Variants in CNTN3 observed in about 807,000 individuals in gnomAD.
CNTN3 encodes the protein contactin-3.
A neutral mutation model predicts 119.1 loss-of-function variants in CNTN3; 60 were observed. That is an observed-to-expected ratio of 0.50 (90% CI 0.41 to 0.62). The LOEUF (loss-of-function observed/expected upper bound fraction) is 0.62. Among genes scored for constraint, CNTN3 ranks in the 20% least tolerant of loss-of-function variants. The pLI is 0.00. For missense variants in CNTN3, 1,101 were observed against 1,242.4 expected (o/e 0.89, Z 1.71); for synonymous variants, 450 against 438.7 (o/e 1.03, Z -0.32).
At chr3:74,536,835 A>G (rs1318506653) in intron 1 of CNTN3, among the ~76,000 whole-genome samples, 3 of 152,152 alleles carry the variant, frequency 2.0e-5, no homozygotes, top group Admixed American at 2.0e-4. Flanking sequence ...CAAGGTACTT[A>G]GAATCTGAGG....
intron 1 of CNTN3, among the ~76,000 whole-genome samples, chr3:74,546,027 G>A (rs999362318): frequency 6.0e-5 from 9 of 151,028 alleles, no homozygotes; most frequent in East Asian, 3.9e-4. Flanking sequence ...ATGGAGTCTC[G>A]CTCTGTCACC....
intron 4 of CNTN3, among the ~76,000 whole-genome samples, chr3:74,455,152 C>G (rs997872434): frequency 3.9e-5 from 6 of 152,102 alleles, no homozygotes; most frequent in African/African-American, 1.2e-4. Context: ...ACCAATCAGA[C>G]GTAGATTTGG....
At chr3:74,310,282 T>C (rs555472178) in intron 13 of CNTN3, among the ~76,000 whole-genome samples, 10 of 152,330 alleles carry the variant, frequency 6.6e-5, no homozygotes, top group African/African-American at 2.2e-4. Context: ...CCAAATGCCA[T>C]TTGAGTTTCA....
intron 1 of CNTN3, among the ~76,000 whole-genome samples, chr3:74,605,459 T>C (rs1203110768): frequency 2.6e-5 from 4 of 152,186 alleles, no homozygotes; most frequent in Non-Finnish European, 4.4e-5. Flanking sequence ...GTGTGTGTTA[T>C]TGCTGCATAA....
At chr3:74,584,875 T>G (rs534098677) in intron 1 of CNTN3, among the ~76,000 whole-genome samples, 3 of 152,150 alleles carry the variant, frequency 2.0e-5, no homozygotes, top group Non-Finnish European at 4.4e-5. Context: ...GATTTCGATC[T>G]TATCATTAAC....
chr3:74,412,135 A>G (rs1267052935), intron 5 of CNTN3, among the ~76,000 whole-genome samples: 1 of 152,194 alleles, frequency 6.6e-6, no homozygotes, highest in African/African-American at 2.4e-5. Flanking sequence ...GCTTTAGCTG[A>G]CATCTGTCAA....
chr3:74,580,864 G>A (rs549957883), intron 1 of CNTN3, among the ~76,000 whole-genome samples: 46 of 152,260 alleles, frequency 3.0e-4, no homozygotes, highest in African/African-American at 9.1e-4. Flanking sequence ...GACTACTGAC[G>A]TGCACCATCA....
At chr3:74,298,887 AG>A (rs575257512) in intron 17 of CNTN3, among the ~76,000 whole-genome samples, 45,802 of 142,582 alleles carry the variant, frequency 0.32, 8,050 homozygotes, top group East Asian at 0.72. Context: ...GACTCCATCA[AG>A]GAAAAAAAAA....
At chr3:74,588,166 G>A (rs1704631694) in intron 1 of CNTN3, among the ~76,000 whole-genome samples, 1 of 151,978 alleles carries the variant, frequency 6.6e-6, no homozygotes, top group African/African-American at 2.4e-5. Context: ...TTTTTGATGT[G>A]CTGCTGGATT....
At chr3:74,403,583 G>C (rs1008296247) in intron 5 of CNTN3, among the ~76,000 whole-genome samples, 1 of 152,294 alleles carries the variant, frequency 6.6e-6, no homozygotes, top group South Asian at 2.1e-4. Context: ...CTGATCTGGT[G>C]TTTAAACTTC....
chr3:74,571,720 G>A (rs562084665), intron 1 of CNTN3, among the ~76,000 whole-genome samples: 1 of 152,102 alleles, frequency 6.6e-6, no homozygotes, highest in Non-Finnish European at 1.5e-5. Flanking sequence ...CATTTATTTA[G>A]ATTACATATA....
At chr3:74,402,048 C>T (rs1575690613) in intron 5 of CNTN3, among the ~76,000 whole-genome samples, 2 of 152,226 alleles carry the variant, frequency 1.3e-5, no homozygotes, top group South Asian at 2.1e-4. Flanking sequence ...AATGTTAGGC[C>T]CTGGGGTTCA....
intron 5 of CNTN3, among the ~76,000 whole-genome samples, chr3:74,375,192 C>T (rs376070816): frequency 8.6e-5 from 13 of 152,028 alleles, no homozygotes; most frequent in Admixed American, 3.3e-4. Context: ...AGATCCTTGA[C>T]GAACAACAAA....
At chr3:74,520,049 C>T (rs999032611) in intron 2 of CNTN3, among the ~76,000 whole-genome samples, 3 of 151,604 alleles carry the variant, frequency 2.0e-5, no homozygotes, top group African/African-American at 4.8e-5. Context: ...TCCATTTGGC[C>T]TCATTCCGCA....
At chr3:74,541,539 T>A (rs1248833463) in intron 1 of CNTN3, among the ~76,000 whole-genome samples, 2 of 152,020 alleles carry the variant, frequency 1.3e-5, no homozygotes, top group African/African-American at 4.8e-5. Flanking sequence ...AACTTAACAA[T>A]TGTAGAGTTA....
chr3:74,419,691 C>T (rs902873289), intron 5 of CNTN3, among the ~76,000 whole-genome samples: 1 of 152,176 alleles, frequency 6.6e-6, no homozygotes, highest in East Asian at 1.9e-4. Context: ...TGATTAAACA[C>T]TGGGACAGAC....
At chr3:74,457,922 C>T (rs969763627) in intron 4 of CNTN3, among the ~76,000 whole-genome samples, 3 of 152,032 alleles carry the variant, frequency 2.0e-5, no homozygotes, top group African/African-American at 7.2e-5. Flanking sequence ...CCCACACCCA[C>T]ATCCACCAAG....
At chr3:74,585,302 T>C (rs1281455732) in intron 1 of CNTN3, among the ~76,000 whole-genome samples, 1 of 152,158 alleles carries the variant, frequency 6.6e-6, no homozygotes, top group Non-Finnish European at 1.5e-5. Context: ...TGCATTTACA[T>C]ACGATCGAAA....
At chr3:74,549,869 C>T (rs1255956078) in intron 1 of CNTN3, among the ~76,000 whole-genome samples, 1 of 152,180 alleles carries the variant, frequency 6.6e-6, no homozygotes, top group Non-Finnish European at 1.5e-5. Flanking sequence ...GAGAGAATCA[C>T]AGCATACGCC....
Sources: allele counts gnomAD v4.1 joint callset (sites outside exome capture counted in the v4.1 genomes callset), GRCh38; gene constraint gnomAD v4.1.1; transcripts MANE v1.5; gene names NCBI Gene and HGNC (gene_info 2026-07-23, HGNC 2026-07-21).